The following DSC2 variants were observed in gnomAD, a reference collection of about 807,000 sequenced individuals.
The protein encoded by DSC2 is desmocollin 2.
A neutral mutation model predicts 87.6 loss-of-function variants in DSC2; 51 were observed. The observed-to-expected ratio is 0.58, with a 90% confidence interval of 0.46 to 0.74. DSC2 has a LOEUF of 0.74. Ranked by LOEUF, DSC2 falls within the 30% of genes least tolerant of loss-of-function variation. The probability of loss-of-function intolerance (pLI) is 0.00; values close to 1 mark genes in which losing one functional copy is unlikely to be tolerated. For missense variants in DSC2, 1,066 were observed against 1,089.5 expected, an observed-to-expected ratio of 0.98 and a Z score of 0.30; for synonymous variants, 383 against 393.2, an observed-to-expected ratio of 0.97 and a Z score of 0.31.
At chr18:31,092,055 G>T (rs780675869) in intron 3 of DSC2, 46 bp downstream of exon 3, 2 of 1,552,618 alleles carry the variant, frequency 1.3e-6, no homozygotes, top group South Asian at 2.3e-5. Flanking sequence ...TGTTGATTAC[G>T]TCTGAAGAAA....
chr18:31,102,108 G>T lies in DSC2; in HGVS notation c.-137C>A, dbSNP rs1987987120. On this transcript the variant is annotated 5_prime_UTR_variant, in exon 1 of 16. Transcript: ENST00000280904. Reference sequence around the variant, plus strand: ...CGAGGCGGAGGAGGTGGGGCGCGCGGAGAGGTGCTTTTCTTAGCTTCTCTG... The same window carrying T: ...CGAGGCGGAGGAGGTGGGGCGCGCGTAGAGGTGCTTTTCTTAGCTTCTCTG... 2 of 692,154 alleles carry T rather than the reference G, an allele frequency of 2.9e-6. No homozygotes were observed. Among genetic ancestry groups the T allele is most frequent in the Non-Finnish European group, 4.3e-6 (2 of 459,830 alleles). The allele number at this position is 692,154 out of a possible 1,614,324, so 42.9% of individuals were successfully genotyped here.
chr18:31,095,795 A>G (rs895959236), intron 1 of DSC2, among the ~76,000 whole-genome samples: 2 of 152,054 alleles, frequency 1.3e-5, no homozygotes, highest in African/African-American at 4.8e-5. Context: ...ACAGGGAGCT[A>G]TGGGAGAGCA....
chr18:31,081,225 A>G (rs553335805), intron 9 of DSC2, among the ~76,000 whole-genome samples: 1 of 152,214 alleles, frequency 6.6e-6, no homozygotes, highest in African/African-American at 2.4e-5. Context: ...GCAAGACAAG[A>G]AAATACAAAG....
chr18:31,062,996 TTC>T lies in DSC2; in HGVS notation c.*5017_*5018del. ...GAATAAAAAACCTAACTTTTATTAT[TTC>T]TCTTTTTTCCTTTATGACCTGGGCA... On this transcript the variant is annotated 3_prime_UTR_variant, in exon 16 of 16. Transcript: ENST00000280904. 6.6e-6 allele frequency: 1 copy of T among 152,254 alleles called. No individual in the cohort carries two copies. The highest frequency in any genetic ancestry group is 6.5e-5 in the Admixed American group (1 of 15,282). 9.4% of individuals were successfully genotyped at this position (152,254 alleles called of 1,614,324 possible). A position where few individuals can be genotyped will look rare whatever the true frequency, so the allele number is the denominator to read the frequency against.
rs1248219145 is a variant in DSC2 at position 31,059,071 on chromosome 18, A to T, written c.*8944T>A. 2.6e-5 allele frequency: 4 copies of T among 152,152 alleles called. No homozygotes were observed. Among genetic ancestry groups the T allele is most frequent in the African/African-American group, 9.7e-5 (4 of 41,426 alleles). The allele number at this position is 152,152 out of a possible 1,614,324, so 9.4% of individuals were successfully genotyped here. A position where few individuals can be genotyped will look rare whatever the true frequency, so the allele number is the denominator to read the frequency against. On this transcript the variant is annotated 3_prime_UTR_variant, in exon 16 of 16. Coordinates refer to ENST00000280904, the MANE Select transcript of DSC2 (RefSeq NM_024422.6). The stretch of plus-strand genomic sequence containing the variant: ...TGGTTTGTGGTAGAGCCCAGATCTG[A>T]ACCTTGCCTGTTGGGCCCCAAGGGA...
At position 31,067,820 on chromosome 18, in the gene DSC2, T is replaced by C. The variant is rs982874796; in HGVS notation, c.*195A>G. On this transcript the variant is annotated 3_prime_UTR_variant, in exon 16 of 16. Coordinates refer to ENST00000280904, the MANE Select transcript of DSC2 (RefSeq NM_024422.6). The stretch of plus-strand genomic sequence containing the variant: ...GGATAGAAGATAAGTAATTTAAAAA[T>C]ATGTAAAAATTGAAAAATTTGTGTA... 1.2e-5 allele frequency: 7 copies of C among 580,988 alleles called. No homozygotes were observed. The highest frequency in any genetic ancestry group is 6.2e-5 in the Admixed American group (2 of 32,178). The allele number at this position is 580,988 out of a possible 1,614,324, so 36.0% of individuals were successfully genotyped here.
chr18:31,073,771 T>C (rs918315145), intron 12 of DSC2, among the ~76,000 whole-genome samples: 1 of 152,180 alleles, frequency 6.6e-6, no homozygotes, highest in Non-Finnish European at 1.5e-5. Context: ...GTGGTGATAA[T>C]GTAGACAGGT....
chr18:31,059,721 G>C lies in DSC2; in HGVS notation c.*8294C>G, dbSNP rs1986465165. 2 of 152,078 alleles carry C rather than the reference G, an allele frequency of 1.3e-5. No individual in the cohort carries two copies. The highest frequency in any genetic ancestry group is 1.3e-4 in the Admixed American group (2 of 15,262). The allele number at this position is 152,078 out of a possible 1,614,324, so 9.4% of individuals were successfully genotyped here. ...TCAATATCTTAGTGTATTACAGATA[G>C]TCTCATATTTATTTAAATGTGAGAT... is the stretch of plus-strand genomic sequence containing the variant. On this transcript the variant is annotated 3_prime_UTR_variant, in exon 16 of 16. Transcript: ENST00000280904.
intron 5 of DSC2, 102 bp from the exon 6 acceptor site, chr18:31,087,915 C>T: frequency 1.7e-6 from 2 of 1,148,180 alleles, no homozygotes; most frequent in Non-Finnish European, 2.6e-6. Flanking sequence ...TTCAGAACTA[C>T]AGTATGAGTC....
At position 31,102,083 on chromosome 18, in the gene DSC2, C is replaced by G. The variant is rs1012919639; in HGVS notation, c.-112G>C. ...CTGGGCCCGCTGCTCAGGAGGAGCG[C>G]GAGGCGGAGGAGGTGGGGCGCGCGG... is the stretch of plus-strand genomic sequence containing the variant. On this transcript the variant is annotated 5_prime_UTR_variant, in exon 1 of 16. Coordinates refer to ENST00000280904, the MANE Select transcript of DSC2 (RefSeq NM_024422.6). 4 of 950,824 alleles carry G rather than the reference C, an allele frequency of 4.2e-6. No homozygotes were observed. The highest frequency in any genetic ancestry group is 3.5e-5 in the African/African-American group (2 of 56,968). 58.9% of individuals were successfully genotyped at this position (950,824 alleles called of 1,614,324 possible).
At chr18:31,083,815 A>C (rs1987311166) in intron 7 of DSC2, among the ~76,000 whole-genome samples, 1 of 152,214 alleles carries the variant, frequency 6.6e-6, no homozygotes, top group South Asian at 2.1e-4. Context: ...TGAAGCATTT[A>C]AATATTTTAA....
At chr18:31,101,635 C>G in intron 1 of DSC2, 2 of 444,946 alleles carry the variant, frequency 4.5e-6, no homozygotes, top group Non-Finnish European at 7.9e-6. Flanking sequence ...TTTGGCTGGG[C>G]GAAAGCGGCC....
intron 11 of DSC2, among the ~76,000 whole-genome samples, chr18:31,076,124 C>G (rs2144803563): frequency 6.6e-6 from 1 of 152,274 alleles, no homozygotes; most frequent in African/African-American, 2.4e-5. Context: ...CATCCACTGC[C>G]TGGGGCTGTG....
rs1987173725 is a variant in DSC2 at position 31,080,294 on chromosome 18, G to A, written c.1322C>T (p.Ala441Val). The change falls in exon 10 of 16, where the codon GCT becomes GTT. Residue 441 changes from alanine (A) to valine (V), a missense_variant. By Grantham distance (64) the Ala-to-Val change is moderately conservative (BLOSUM62 0). Transcript: ENST00000280904. ...MILQIGVVNE[A>V]PFSREASPRS... ...TGGACTAGCCTCTCTGGAAAATGGA[G>A]CTTCATTAACTACACCAATTTGCAA... is the stretch of plus-strand genomic sequence containing the variant. 6.2e-7 allele frequency: 1 copy of A among 1,613,992 alleles called. No homozygotes were observed. Among genetic ancestry groups the A allele is most frequent in the Non-Finnish European group, 8.5e-7 (1 of 1,179,982 alleles).
intron 11 of DSC2, among the ~76,000 whole-genome samples, chr18:31,076,498 C>A (rs950169557): frequency 1.3e-5 from 2 of 152,184 alleles, no homozygotes; most frequent in African/African-American, 4.8e-5. Context: ...AAGATTAATT[C>A]ATTCTATCCA....
chr18:31,090,306 C>T (rs2144841035), intron 4 of DSC2, among the ~76,000 whole-genome samples: 1 of 152,280 alleles, frequency 6.6e-6, no homozygotes, highest in African/African-American at 2.4e-5. Context: ...AAAAAGGATT[C>T]TCCCTTGCTA....
chr18:31,083,130 CT>C, intron 7 of DSC2, 70 bp from the exon 8 acceptor site: 5 of 1,546,202 alleles, frequency 3.2e-6, no homozygotes, highest in Non-Finnish European at 4.4e-6. Context: ...TTACTTTACA[CT>C]CCATAATTTT....
intron 1 of DSC2, chr18:31,101,610 C>T (rs1206984422): frequency 2.5e-6 from 1 of 400,266 alleles, no homozygotes; most frequent in Non-Finnish European, 4.4e-6. Flanking sequence ...CCGGCGCGTA[C>T]CCAGGGGCCA....
intron 15 of DSC2, 113 bp from the exon 16 acceptor site, chr18:31,068,325 G>T: frequency 6.2e-7 from 1 of 1,613,304 alleles, no homozygotes; most frequent in Non-Finnish European, 8.5e-7. Context: ...TTTAATCAGA[G>T]TGTGTCCTCT....
Sources: allele counts gnomAD v4.1 joint callset (sites outside exome capture counted in the v4.1 genomes callset), GRCh38; gene constraint gnomAD v4.1.1; transcripts MANE v1.5; gene names NCBI Gene and HGNC (gene_info 2026-07-23, HGNC 2026-07-21).